The following PRAG1 variants were observed in gnomAD, a reference collection of about 807,000 sequenced individuals.
PRAG1 encodes the protein inactive tyrosine-protein kinase PRAG1.
Under a neutral mutation model 95.6 loss-of-function variants are expected in PRAG1, and 110 were observed. The observed-to-expected ratio is 1.15, with a 90% CI of 0.99 to 1.35. PRAG1 has a LOEUF of 1.35. Among genes scored for constraint, PRAG1 ranks in the 40% most tolerant of loss-of-function variants. PRAG1 has a pLI of 0.00. For missense variants in PRAG1, 2,554 were observed against 1,864.7 expected (o/e 1.37, Z -6.81); for synonymous variants, 1,052 against 819.4 (o/e 1.28, Z -4.85).
intron 3 of PRAG1, among the ~76,000 whole-genome samples, chr8:8,371,306 G>A (rs1340753272): frequency 1.3e-5 from 2 of 151,800 alleles, no homozygotes; most frequent in Middle Eastern, 3.2e-3. Context: ...TGTCGCCCAG[G>A]CTGGAGCTCA....
chr8:8,365,067 T>C (rs1799957923), intron 3 of PRAG1, among the ~76,000 whole-genome samples: 1 of 152,220 alleles, frequency 6.6e-6, no homozygotes, highest in Non-Finnish European at 1.5e-5. Flanking sequence ...ATCTCTGTCC[T>C]GGTTTTCTTC....
intron 3 of PRAG1, among the ~76,000 whole-genome samples, chr8:8,373,753 C>T (rs192310532): frequency 1.8e-4 from 28 of 152,276 alleles, no homozygotes; most frequent in African/African-American, 6.0e-4. Context: ...AAGTCCGGCC[C>T]TTCTTTTTAA....
In PRAG1 at chr8:8,318,987, A is replaced by T. The variant is rs887999821; in HGVS notation, c.3388T>A (p.Cys1130Ser). Residue 1130 changes from cysteine to serine, a missense_variant, in exon 6 of 6, where the codon TGC becomes AGC. Physicochemically the swap from Cys to Ser is moderately radical, Grantham distance 112 (BLOSUM62 -1). Transcript: ENST00000615670. This position sits in a 1 kb window ranked among gnomAD's most constrained non-coding sequence, Gnocchi z 4.2. ...RRVCFLLLQL[C>S]NGLEHLKEHG... ...TCCTTCAGGTGCTCCAGCCCGTTGC[A>T]GAGTTGCAGAAGCAGGAAGCACACG... 1 of 1,613,402 alleles carries T rather than the reference A, an allele frequency of 6.2e-7. No homozygotes were observed. Among genetic ancestry groups the T allele is most frequent in the Non-Finnish European group, 8.5e-7 (1 of 1,179,766 alleles).
chr8:8,345,626 A>G (rs1271522050), intron 3 of PRAG1, among the ~76,000 whole-genome samples: 1 of 151,988 alleles, frequency 6.6e-6, no homozygotes, highest in African/African-American at 2.4e-5. Flanking sequence ...CCCCACCTCC[A>G]CTAAAAACAA....
At chr8:8,365,961 G>C (rs1475368162) in intron 3 of PRAG1, among the ~76,000 whole-genome samples, 1 of 152,038 alleles carries the variant, frequency 6.6e-6, no homozygotes, top group African/African-American at 2.4e-5. Context: ...CTGGGTGACA[G>C]AGTGAGACCC....
At chr8:8,363,818 A>T (rs892616338) in intron 3 of PRAG1, among the ~76,000 whole-genome samples, 1 of 152,154 alleles carries the variant, frequency 6.6e-6, no homozygotes, top group Admixed American at 6.6e-5. Context: ...ATTTTATGAA[A>T]CTGTTTATAT....
chr8:8,371,564 T>C (rs959999865), intron 3 of PRAG1, among the ~76,000 whole-genome samples: 2 of 151,784 alleles, frequency 1.3e-5, no homozygotes, highest in Non-Finnish European at 2.9e-5. Context: ...CGACCATGAG[T>C]GATAACTTTC....
Position 8,318,340 on chromosome 8 carries a change from C to G in PRAG1, c.4035G>C (p.Glu1345Asp). 6.2e-7 allele frequency: 1 copy of G among 1,614,098 alleles called. No individual in the cohort carries two copies. The highest frequency in any genetic ancestry group is 1.1e-5 in the South Asian group (1 of 91,082). Residue 1345 changes from glutamate to aspartate, a missense_variant, in exon 6 of 6, where the codon GAG becomes GAC. By Grantham distance (45) the Glu-to-Asp change is conservative (BLOSUM62 2). Transcript: ENST00000615670. This position sits in a 1 kb window ranked among gnomAD's most constrained non-coding sequence, Gnocchi z 4.2. ...AGTTGTGCAGCGTGCCGCACAGCGC[C>G]TCCTCCGAGGTGCCCGGCTGCTGCA... Reference protein sequence around the residue: ...ELVQQPGTSEEALCGTLHNWI... With the variant: ...ELVQQPGTSEDALCGTLHNWI...
At chr8:8,354,349 A>G (rs1007305465) in intron 3 of PRAG1, among the ~76,000 whole-genome samples, 1 of 151,988 alleles carries the variant, frequency 6.6e-6, no homozygotes, top group African/African-American at 2.4e-5. Flanking sequence ...CATTCAAAGA[A>G]CAATTATTAC....
At chr8:8,384,075 C>T (rs1440149814) in intron 1 of PRAG1, among the ~76,000 whole-genome samples, 2 of 152,160 alleles carry the variant, frequency 1.3e-5, no homozygotes, top group Admixed American at 6.5e-5. Context: ...GAAACCAGCT[C>T]TGTGTGGGCT....
rs908124050 is a variant in PRAG1, at chr8:8,333,471, A to G, written c.2321-5010T>C. Among the ~76,000 whole-genome samples the G allele has an allele frequency of 3.3e-5, 5 of 152,228 alleles. 1 individual carries two copies. Among genetic ancestry groups the G allele is most frequent in the Admixed American group, 3.3e-4 (5 of 15,288 alleles). On this transcript the variant is annotated intron_variant, in intron 4 of 5. Coordinates refer to ENST00000615670, the MANE Select transcript of PRAG1 (RefSeq NM_001080826.3). ...AGGGAAGGTGCACTAGTTTGGTGTC[A>G]TTATATTTAGAAAGCAGAGATGAGA... is the stretch of plus-strand genomic sequence containing the variant.
intron 4 of PRAG1, among the ~76,000 whole-genome samples, chr8:8,338,044 G>C (rs1799046221): frequency 6.6e-6 from 1 of 151,944 alleles, no homozygotes; most frequent in Non-Finnish European, 1.5e-5. Flanking sequence ...TACCTCCCCA[G>C]TTCTGGCCAC....
chr8:8,378,780 G>T (rs1421117082), intron 2 of PRAG1, among the ~76,000 whole-genome samples: 1 of 152,004 alleles, frequency 6.6e-6, no homozygotes. Context: ...AGGATGTCTT[G>T]AGCCCAGGAG....
At chr8:8,343,280 C>T (rs977750187) in intron 3 of PRAG1, among the ~76,000 whole-genome samples, 10 of 149,074 alleles carry the variant, frequency 6.7e-5, no homozygotes, top group Non-Finnish European at 1.3e-4. Flanking sequence ...GTTTGTGAGA[C>T]TGTAGATTGG....
At chr8:8,353,128 T>G (rs1385592584) in intron 3 of PRAG1, among the ~76,000 whole-genome samples, 1 of 152,186 alleles carries the variant, frequency 6.6e-6, no homozygotes, top group Admixed American at 6.5e-5. Context: ...GTAGGAGACT[T>G]CAACACCTCA....
At chr8:8,371,443 G>A (rs566242735) in intron 3 of PRAG1, among the ~76,000 whole-genome samples, 24 of 151,984 alleles carry the variant, frequency 1.6e-4, no homozygotes, top group African/African-American at 5.8e-4. Context: ...TGTATTTTTA[G>A]TAGAGAGGGG....
At position 8,380,270 on chromosome 8, in the gene PRAG1, CA is replaced by C. The variant is rs1243822527; in HGVS notation, c.330+1147del. 2.0e-4 allele frequency among the ~76,000 whole-genome samples: 29 copies of C among 148,018 alleles called. No homozygotes were observed. The East Asian group carries it at 4.0e-3, about 20-fold the overall frequency. On this transcript the variant is annotated intron_variant, in intron 2 of 5. Coordinates refer to ENST00000615670, the MANE Select transcript of PRAG1 (RefSeq NM_001080826.3). ...AGCCTGAGCAACACTGAGACTGTCTCAAAAAAAAATAAATAAATAAAATAAA... is the reference window on the plus strand; with the variant it reads ...AGCCTGAGCAACACTGAGACTGTCTCAAAAAAAATAAATAAATAAAATAAA...
At chr8:8,332,691 C>T (rs1200604812) in intron 4 of PRAG1, among the ~76,000 whole-genome samples, 1 of 131,180 alleles carries the variant, frequency 7.6e-6, no homozygotes, top group African/African-American at 2.8e-5. Context: ...GGTGTTAATA[C>T]TCTTGGGGAT....
In PRAG1 at chr8:8,377,946, A is replaced by G. The variant is rs1474126161; in HGVS notation, c.463T>C (p.Cys155Arg). ...PSTSPDGNSR[C>R]PPAYTMVGLH... ...CCGACCATGGTGTAAGCTGGGGGAC[A>G]GCGAGAATTGCCATCAGGGGAGGTA... is the stretch of plus-strand genomic sequence containing the variant. The change falls in exon 3 of 6, where the codon TGT becomes CGT. Residue 155 changes from cysteine (C) to arginine (R), a missense_variant. Coordinates refer to ENST00000615670, the MANE Select transcript of PRAG1 (RefSeq NM_001080826.3). 1.2e-6 allele frequency: 2 copies of G among 1,614,036 alleles called. No individual in the cohort carries two copies. The highest frequency in any genetic ancestry group is 1.7e-6 in the Non-Finnish European group (2 of 1,180,008).
Sources: gnomAD v4.1 joint callset for allele counts (sites outside exome capture counted in the v4.1 genomes callset) on GRCh38, gnomAD v4.1.1 for gene constraint, Gnocchi (gnomAD v3.1) non-coding constraint, MANE v1.5 for transcripts, NCBI Gene and HGNC (gene_info 2026-07-23, HGNC 2026-07-21) for gene names.